Variants in SH3YL1 observed in about 807,000 individuals in gnomAD.
SH3YL1 encodes the protein SH3 domain-containing YSC84-like protein 1.
Under a neutral mutation model 45.8 loss-of-function variants are expected in SH3YL1, and 41 were observed. The ratio of observed to expected loss-of-function variants is 0.89; its 90% CI spans 0.70 to 1.16. SH3YL1 has a LOEUF of 1.16. SH3YL1 is among the 50% of genes most tolerant of loss of function. The pLI is 0.00. For missense variants in SH3YL1, 389 were observed against 409.6 expected, an observed-to-expected ratio of 0.95 and a Z score of 0.43; for synonymous variants, 152 against 151.4, an observed-to-expected ratio of 1.00 and a Z score of -0.03.
chr2:218,925 T>C lies in SH3YL1; in HGVS notation c.915A>G (p.Gln305=). The change falls in exon 10 of 10, where the codon CAA becomes CAG. Residue 305 remains glutamine (Q), a synonymous_variant. Transcript: ENST00000356150. ...EGQQPGDLNF[Q]AGDRITVISK... ...ATATAACTGTGATTCTGTCTCCAGCTTGAAAATTCAAATCCCCAGGCTGCT... is the reference window on the plus strand; with the variant it reads ...ATATAACTGTGATTCTGTCTCCAGCCTGAAAATTCAAATCCCCAGGCTGCT... 6.2e-7 allele frequency: 1 copy of C among 1,614,108 alleles called. No individual in the cohort carries two copies. Among genetic ancestry groups the C allele is most frequent in the Non-Finnish European group, 8.5e-7 (1 of 1,179,992 alleles).
chr2:263,943 G>C, intron 1 of SH3YL1, 41 bp downstream of exon 1: 1 of 1,469,936 alleles, frequency 6.8e-7, no homozygotes, highest in Non-Finnish European at 9.2e-7. Context: ...GCTCTTGAGA[G>C]GGGAGGGTGC....
intron 3 of SH3YL1, among the ~76,000 whole-genome samples, chr2:249,463 C>A (rs558455527): frequency 6.6e-6 from 1 of 152,162 alleles, no homozygotes; most frequent in African/African-American, 2.4e-5. Context: ...ATTTGCTCCA[C>A]GGAAGAATTA....
chr2:236,580 G>A (rs2103031978), intron 4 of SH3YL1, among the ~76,000 whole-genome samples: 1 of 152,310 alleles, frequency 6.6e-6, no homozygotes, highest in East Asian at 1.9e-4. Flanking sequence ...GCTGCTGAAA[G>A]CTGCAATTTC....
At position 218,820 on chromosome 2, in the gene SH3YL1, G is replaced by A; in HGVS notation, c.1020C>T (p.Thr340=). 1 of 1,611,042 alleles carries A rather than the reference G, an allele frequency of 6.2e-7. No homozygotes were observed. The highest frequency in any genetic ancestry group is 2.2e-5 in the East Asian group (1 of 44,820). The change falls in exon 10 of 10, where the codon ACC becomes ACT. Residue 340 remains threonine, a synonymous_variant. Transcript: ENST00000356150. ...QTGIFPANYV[T]MN ...GAAAATAGTATACGCTTTAATTCAT[G>A]GTTACGTAGTTGGCTGGAAAAATGC...
At chr2:263,693 G>A (rs1669705533) in intron 1 of SH3YL1, 1 of 387,102 alleles carries the variant, frequency 2.6e-6, no homozygotes, top group Admixed American at 4.6e-5. Flanking sequence ...CTGACACCTC[G>A]CCGTTCAAAT....
At chr2:223,669 T>C (rs1003207251) in intron 9 of SH3YL1, among the ~76,000 whole-genome samples, 1 of 152,234 alleles carries the variant, frequency 6.6e-6, no homozygotes, top group African/African-American at 2.4e-5. Context: ...GTGAACTTGA[T>C]GTCTCTTTAA....
At chr2:248,404 G>A (rs893489515) in intron 3 of SH3YL1, among the ~76,000 whole-genome samples, 3 of 152,086 alleles carry the variant, frequency 2.0e-5, no homozygotes, top group Non-Finnish European at 4.4e-5. Context: ...TTGGCTTACA[G>A]AAATTAGTGT....
At chr2:221,546 AGAGT>A (rs1667574876) in intron 9 of SH3YL1, among the ~76,000 whole-genome samples, 1 of 152,230 alleles carries the variant, frequency 6.6e-6, no homozygotes. Context: ...AGGATAAAGC[AGAGT>A]GAGAGAGGAG....
upstream of SH3YL1, chr2:264,752 C>G (rs1228649093): frequency 1.9e-6 from 1 of 537,822 alleles, no homozygotes; most frequent in African/African-American, 2.0e-5. Flanking sequence ...CTGCAGGTGA[C>G]CCGCGGACCC....
rs1274415937 is a variant in SH3YL1, at chr2:234,148, T to TA, written c.404+11dup. 3.8e-6 allele frequency: 6 copies of TA among 1,591,084 alleles called. No homozygotes were observed. The highest frequency in any genetic ancestry group is 4.3e-6 in the Non-Finnish European group (5 of 1,164,502). ...AAACCTTTACTGTCTAACATCTATT[T>TA]AAAGAACTCACCTTCCCAAGGGCCC... On this transcript the variant is annotated intron_variant, in intron 5 of 9. Coordinates refer to ENST00000356150, the MANE Select transcript of SH3YL1 (RefSeq NM_015677.4).
chr2:232,512 ATACAT>A (rs1668094412), intron 6 of SH3YL1, among the ~76,000 whole-genome samples: 2 of 151,842 alleles, frequency 1.3e-5, no homozygotes, highest in Admixed American at 6.6e-5. Context: ...TTGCATAGGT[ATACAT>A]ATGCCATGTT....
intron 3 of SH3YL1, among the ~76,000 whole-genome samples, chr2:249,008 T>C (rs1179352623): frequency 6.6e-6 from 1 of 152,190 alleles, no homozygotes; most frequent in Admixed American, 6.5e-5. Context: ...TCTGTAAGTG[T>C]CCCATGCTCT....
chr2:243,418 C>T, intron 4 of SH3YL1: 1 of 1,352,462 alleles, frequency 7.4e-7, no homozygotes, highest in South Asian at 1.5e-5. Flanking sequence ...GCAACACACT[C>T]TTAAATAACA....
chr2:263,878 A>G, intron 1 of SH3YL1, 106 bp downstream of exon 1: 3 of 965,146 alleles, frequency 3.1e-6, no homozygotes, highest in South Asian at 1.4e-5. Flanking sequence ...CGCGCGACCT[A>G]GAAACCCCAG....
At chr2:224,773 A>C (rs1339738892) in intron 9 of SH3YL1, 91 bp downstream of exon 9, 1 of 957,368 alleles carries the variant, frequency 1.0e-6, no homozygotes, top group East Asian at 2.4e-5. Context: ...AACACTTCCC[A>C]GAGATTTTCA....
chr2:246,554 C>A (rs1160050884), intron 4 of SH3YL1, among the ~76,000 whole-genome samples: 1 of 151,346 alleles, frequency 6.6e-6, no homozygotes, highest in East Asian at 2.0e-4. Context: ...AGAAAAAGGC[C>A]CTTCTACAAG....
intron 1 of SH3YL1, chr2:262,700 T>C (rs1468904698): frequency 1.5e-6 from 2 of 1,298,038 alleles, no homozygotes; most frequent in African/African-American, 3.1e-5. Flanking sequence ...GTTATTTCCC[T>C]TTGACTGCCT....
intron 8 of SH3YL1, among the ~76,000 whole-genome samples, chr2:227,829 G>T (rs1667852944): frequency 6.6e-6 from 1 of 151,282 alleles, no homozygotes; most frequent in African/African-American, 2.4e-5. Context: ...CAAAGGAAAA[G>T]AAAAAAAATA....
intron 1 of SH3YL1, chr2:256,368 A>C (rs1046089594): frequency 6.6e-6 from 1 of 152,206 alleles, no homozygotes; most frequent in Non-Finnish European, 1.5e-5. Flanking sequence ...TAAAACTGCT[A>C]TAAATATTCC....
Sources: allele counts gnomAD v4.1 joint callset (sites outside exome capture counted in the v4.1 genomes callset), GRCh38; gene constraint gnomAD v4.1.1; transcripts MANE v1.5; gene names NCBI Gene and HGNC (gene_info 2026-07-23, HGNC 2026-07-21).